JAG1: variants seen among roughly 807,000 people sequenced by gnomAD.
The protein encoded by JAG1 is jagged canonical Notch ligand 1, also known as protein jagged-1.
JAG1 carries 23 observed loss-of-function variants against 148.7 expected under a neutral mutation model. The observed-to-expected ratio is 0.15, with a 90% CI of 0.11 to 0.22. JAG1 has a LOEUF of 0.22. Ranked by LOEUF, JAG1 falls within the 10% of genes least tolerant of loss-of-function variation. The pLI, the probability that JAG1 is intolerant of heterozygous loss-of-function variation, is 1.00. For missense variants in JAG1, 1,054 were observed against 1,611.2 expected, an observed-to-expected ratio of 0.65 and a Z score of 5.92; for synonymous variants, 572 against 598.3, an observed-to-expected ratio of 0.96 and a Z score of 0.64.
chr20:10,654,212 G>C (rs1049457691), intron 5 of JAG1, among the ~76,000 whole-genome samples: 1 of 152,146 alleles, frequency 6.6e-6, no homozygotes, highest in Non-Finnish European at 1.5e-5. Flanking sequence ...AAGGCAAGGA[G>C]AGGCAGCTGA....
Position 10,673,441 on chromosome 20 carries a change from G to A in JAG1, c.81+9C>T, listed in dbSNP as rs1235592073. 1.0e-5 allele frequency: 15 copies of A among 1,450,508 alleles called. No homozygotes were observed. The highest frequency in any genetic ancestry group is 1.4e-5 in the Non-Finnish European group (15 of 1,102,304). The allele number at this position is 1,450,508 out of a possible 1,614,324, so 89.9% of individuals were successfully genotyped here. A position where few individuals can be genotyped will look rare whatever the true frequency, so the allele number is the denominator to read the frequency against. On this transcript the variant is annotated intron_variant, in intron 1 of 25. Transcript: ENST00000254958. This position sits in a 1 kb window ranked among gnomAD's most constrained non-coding sequence, Gnocchi z 4.7. ...CGGCTGGGAGGGAGGCCCGGAGAAGGGCTCCTACCTTGGCTCGCAGGGCAC... is the reference window on the plus strand; with the variant it reads ...CGGCTGGGAGGGAGGCCCGGAGAAGAGCTCCTACCTTGGCTCGCAGGGCAC...
chr20:10,666,954 G>T (rs2067458272), intron 2 of JAG1, among the ~76,000 whole-genome samples: 1 of 152,234 alleles, frequency 6.6e-6, no homozygotes, highest in African/African-American at 2.4e-5. Flanking sequence ...GCTGTGCCAA[G>T]GTTGTGTTCT....
At chr20:10,659,840 C>T (rs954371405) in intron 3 of JAG1, among the ~76,000 whole-genome samples, 1 of 152,002 alleles carries the variant, frequency 6.6e-6, no homozygotes, top group East Asian at 1.9e-4. Flanking sequence ...GTATGTAGTC[C>T]CTGCCCTGAG....
intron 2 of JAG1, among the ~76,000 whole-genome samples, chr20:10,671,328 CAA>C (rs2067493315): frequency 6.6e-6 from 1 of 152,182 alleles, no homozygotes; most frequent in South Asian, 2.1e-4. Flanking sequence ...CCTTGGACCT[CAA>C]GAGAGCTTCA....
chr20:10,668,262 A>G (rs1600193920), intron 2 of JAG1, among the ~76,000 whole-genome samples: 1 of 152,246 alleles, frequency 6.6e-6, no homozygotes, highest in African/African-American at 2.4e-5. Context: ...CCATTTTAGA[A>G]TCACCACTTT....
chr20:10,669,736 G>T (rs2067483296), intron 2 of JAG1, among the ~76,000 whole-genome samples: 1 of 152,060 alleles, frequency 6.6e-6, no homozygotes, highest in African/African-American at 2.4e-5. Context: ...CTGGGGTTCT[G>T]AAGTTCCCAA....
At chr20:10,647,258 C>T in intron 13 of JAG1, 155 bp from the exon 14 acceptor site, 1 of 793,188 alleles carries the variant, frequency 1.3e-6, no homozygotes, top group Admixed American at 2.0e-5. Flanking sequence ...CAACGTGCCA[C>T]ATCACATTAT....
intron 3 of JAG1, among the ~76,000 whole-genome samples, chr20:10,660,907 A>G (rs2067412500): frequency 6.6e-6 from 1 of 152,208 alleles, no homozygotes; most frequent in African/African-American, 2.4e-5. Flanking sequence ...CTCGCAGGCC[A>G]AGGAGGAGGT....
At chr20:10,643,650 A>AG in intron 20 of JAG1, 128 bp downstream of exon 20, 1 of 768,418 alleles carries the variant, frequency 1.3e-6, no homozygotes, top group Non-Finnish European at 2.3e-6. Flanking sequence ...TGGAGGAGAG[A>AG]GATCCTTTGC....
chr20:10,662,755 C>T (rs1437814461), intron 3 of JAG1, among the ~76,000 whole-genome samples: 2 of 152,144 alleles, frequency 1.3e-5, no homozygotes, highest in South Asian at 2.1e-4. Context: ...CACACACCCC[C>T]CCACGGCATT....
Position 10,638,934 on chromosome 20 carries a change from T to G in JAG1, c.*564A>C, listed in dbSNP as rs894067362. ...CTATACAAAGTTCTACTTTTGACAT[T>G]TTTTTCTTTAAATTCTTCATTTTAC... On this transcript the variant is annotated 3_prime_UTR_variant, in exon 26 of 26. Transcript: ENST00000254958. The G allele has an allele frequency of 6.5e-6, 1 of 154,518 alleles. No individual in the cohort carries two copies. The highest frequency in any genetic ancestry group is 2.5e-5 in the African/African-American group (1 of 40,704). The allele number at this position is 154,518 out of a possible 1,614,324, so 9.6% of individuals were successfully genotyped here.
At chr20:10,668,095 A>C (rs1200674205) in intron 2 of JAG1, among the ~76,000 whole-genome samples, 9 of 7,830 alleles carry the variant, frequency 1.1e-3, no homozygotes, top group African/African-American at 8.3e-3. Context: ...GGCACCATAA[A>C]AAAAAAAAAA....
chr20:10,667,996 T>C (rs1677602301), intron 2 of JAG1, among the ~76,000 whole-genome samples: 1 of 151,960 alleles, frequency 6.6e-6, no homozygotes, highest in Non-Finnish European at 1.5e-5. Context: ...CTCTGCATGT[T>C]TGACTATTTA....
chr20:10,672,148 A>G (rs1194953346), intron 2 of JAG1, among the ~76,000 whole-genome samples: 1 of 152,090 alleles, frequency 6.6e-6, no homozygotes, highest in Non-Finnish European at 1.5e-5. Flanking sequence ...CCGGCCCTTA[A>G]GCCGAACCTG....
rs33967297 is a variant in JAG1 at position 10,644,276 on chromosome 20, TCACACA to T, written c.2372+75_2372+80del. ...TTTAAACACAATCCCTGGGTGATTC[TCACACA>T]CACACACACACACACACACACACAC... is the stretch of plus-strand genomic sequence containing the variant. On this transcript the variant is annotated intron_variant, in intron 19 of 25. Transcript: ENST00000254958. 5,652 of 882,840 alleles carry T rather than the reference TCACACA, an allele frequency of 6.4e-3. 50 individuals carry two copies. The highest frequency in any genetic ancestry group is 0.013 in the African/African-American group (745 of 56,842). The allele number at this position is 882,840 out of a possible 1,614,324, so 54.7% of individuals were successfully genotyped here.
At chr20:10,646,673 G>A (rs1014734406) in intron 14 of JAG1, among the ~76,000 whole-genome samples, 2 of 151,964 alleles carry the variant, frequency 1.3e-5, no homozygotes, top group East Asian at 3.9e-4. Context: ...TTAGCTGGGC[G>A]TGGTGGGCGT....
At chr20:10,666,003 C>A (rs2067451648) in intron 2 of JAG1, among the ~76,000 whole-genome samples, 1 of 152,170 alleles carries the variant, frequency 6.6e-6, no homozygotes, top group Non-Finnish European at 1.5e-5. Flanking sequence ...GCCCTACGTG[C>A]CTGGCTCTGT....
intron 7 of JAG1, 77 bp downstream of exon 7, chr20:10,652,054 A>G: frequency 6.6e-7 from 1 of 1,511,248 alleles, no homozygotes; most frequent in South Asian, 1.1e-5. Flanking sequence ...TCCTTAAACA[A>G]GTCCTTAAGT....
chr20:10,644,759 G>A, intron 18 of JAG1, 104 bp downstream of exon 18: 6 of 861,340 alleles, frequency 7.0e-6, no homozygotes, highest in Middle Eastern at 6.3e-4. Flanking sequence ...TGATACAAAA[G>A]CAGACATCAA....
Sources: allele counts gnomAD v4.1 joint callset (sites outside exome capture counted in the v4.1 genomes callset), GRCh38; gene constraint gnomAD v4.1.1; non-coding constraint Gnocchi (gnomAD v3.1); transcripts MANE v1.5; gene names NCBI Gene and HGNC (gene_info 2026-07-23, HGNC 2026-07-21).